Variants in PTPRN2 observed in about 807,000 individuals in gnomAD.
PTPRN2 encodes protein tyrosine phosphatase receptor type N2, also known as receptor-type tyrosine-protein phosphatase N2.
Under a neutral mutation model 118.8 loss-of-function variants are expected in PTPRN2, and 74 were observed. That is an observed-to-expected ratio of 0.62 (90% CI 0.52 to 0.76). The LOEUF (loss-of-function observed/expected upper bound fraction) is 0.76, where lower values mean the gene tolerates loss of function less well. Among genes scored for constraint, PTPRN2 ranks in the 30% least tolerant of loss-of-function variants. PTPRN2 has a pLI of 0.00. For synonymous variants in PTPRN2, 641 were observed against 608.0 expected, an observed-to-expected ratio of 1.05 and a Z score of -0.80; for missense variants, 1,481 against 1,394.4, an observed-to-expected ratio of 1.06 and a Z score of -0.99.
chr7:158,053,846 C>CAGAGACCCCAGAGAT (rs1809532818), intron 11 of PTPRN2, among the ~76,000 whole-genome samples: 2 of 115,552 alleles, frequency 1.7e-5, no homozygotes, highest in Admixed American at 8.8e-5. Flanking sequence ...ACCCCAGAGA[C>CAGAGACCCCAGAGAT]GCAGAGACTC....
At chr7:158,478,387 T>G (rs954147900) in intron 2 of PTPRN2, among the ~76,000 whole-genome samples, 11 of 151,996 alleles carry the variant, frequency 7.2e-5, no homozygotes, top group African/African-American at 2.7e-4. Flanking sequence ...TTCGGTGCTG[T>G]GCGTAGGGTG....
chr7:158,399,663 G>GAAAGAAAAGAAAAGA (rs1172625055), intron 2 of PTPRN2, among the ~76,000 whole-genome samples: 2 of 151,790 alleles, frequency 1.3e-5, no homozygotes, highest in Admixed American at 6.6e-5. Context: ...CTCAAGAAAA[G>GAAAGAAAAGAAAAGA]AAAGAAAAGA....
intron 11 of PTPRN2, among the ~76,000 whole-genome samples, chr7:158,045,283 G>A (rs558424019): frequency 1.2e-4 from 19 of 152,274 alleles, no homozygotes; most frequent in African/African-American, 7.2e-5. Flanking sequence ...CCCCTCTGTC[G>A]GGAAGCTCCA....
At chr7:157,810,309 C>T (rs1393334834) in intron 12 of PTPRN2, among the ~76,000 whole-genome samples, 1 of 152,256 alleles carries the variant, frequency 6.6e-6, no homozygotes, top group African/African-American at 2.4e-5. Flanking sequence ...GTGGGGTCCA[C>T]AGGCGGGCGC....
At chr7:158,169,418 G>GTGTGTC (rs1017549870) in intron 5 of PTPRN2, among the ~76,000 whole-genome samples, 18 of 7,322 alleles carry the variant, frequency 2.5e-3, no homozygotes, top group African/African-American at 9.0e-3. Context: ...GCTTTTGTGA[G>GTGTGTC]TGTGTGTGTG....
chr7:158,078,302 G>A (rs748081197), intron 11 of PTPRN2, among the ~76,000 whole-genome samples: 32 of 152,268 alleles, frequency 2.1e-4, no homozygotes, highest in Admixed American at 8.5e-4. Context: ...GGAACCAGAC[G>A]CCAGCAGCCA....
At chr7:158,341,684 C>G (rs1806839583) in intron 2 of PTPRN2, among the ~76,000 whole-genome samples, 1 of 128,584 alleles carries the variant, frequency 7.8e-6, no homozygotes, top group African/African-American at 3.3e-5. Flanking sequence ...GAGCTGTCGC[C>G]CGCAGAGGTC....
intron 2 of PTPRN2, among the ~76,000 whole-genome samples, chr7:158,421,524 T>G (rs1472386697): frequency 1.3e-5 from 2 of 152,186 alleles, no homozygotes; most frequent in Non-Finnish European, 2.9e-5. Flanking sequence ...GTGATGTGCC[T>G]CAGAAATAAA....
At chr7:158,343,741 G>A (rs374974555) in intron 2 of PTPRN2, among the ~76,000 whole-genome samples, 9 of 149,752 alleles carry the variant, frequency 6.0e-5, no homozygotes, top group East Asian at 2.0e-4. Flanking sequence ...GGCTGCTCCC[G>A]GTGGAATCAG....
chr7:158,068,239 T>C (rs1456454175), intron 11 of PTPRN2, among the ~76,000 whole-genome samples: 1 of 152,172 alleles, frequency 6.6e-6, no homozygotes, highest in Non-Finnish European at 1.5e-5. Context: ...GAGAAAGCCA[T>C]GAAACGACGC....
chr7:158,485,165 C>G (rs1820917771), intron 2 of PTPRN2, among the ~76,000 whole-genome samples: 1 of 152,090 alleles, frequency 6.6e-6, no homozygotes, highest in Admixed American at 6.5e-5. Flanking sequence ...AGACACGGAG[C>G]CGACAGGTGT....
rs756775995 is a variant in PTPRN2 at position 157,929,447 on chromosome 7, C to T, written c.1724-30710G>A. On this transcript the variant is annotated intron_variant, in intron 11 of 22. Transcript: ENST00000389418. This position sits in a 1 kb window ranked among gnomAD's most constrained non-coding sequence, Gnocchi z 4.4. ...TCGGTTTGTTCCTTTTAGGAGGAAGCCACCGGATCGTTTCCCATGCTTAAG... is the reference window on the plus strand; with the variant it reads ...TCGGTTTGTTCCTTTTAGGAGGAAGTCACCGGATCGTTTCCCATGCTTAAG... Among the ~76,000 whole-genome samples the T allele has an allele frequency of 6.6e-6, 1 of 152,110 alleles. No homozygotes were observed. The highest frequency in any genetic ancestry group is 1.5e-5 in the Non-Finnish European group (1 of 68,022).
intron 21 of PTPRN2, among the ~76,000 whole-genome samples, chr7:157,559,727 C>T (rs890727538): frequency 3.9e-5 from 6 of 152,144 alleles, no homozygotes; most frequent in African/African-American, 7.2e-5. Context: ...GATCCCCTCC[C>T]GAATTTCCAA....
chr7:157,545,231 G>A (rs746713552), intron 22 of PTPRN2, among the ~76,000 whole-genome samples: 14 of 147,690 alleles, frequency 9.5e-5, no homozygotes, highest in Non-Finnish European at 1.8e-4. Flanking sequence ...CGCAGTGTCC[G>A]TGGCTGTGTG....
chr7:157,878,503 TACTC>T (rs1795923246), intron 12 of PTPRN2, among the ~76,000 whole-genome samples: 1 of 145,782 alleles, frequency 6.9e-6, no homozygotes, highest in Non-Finnish European at 1.5e-5. Context: ...CACCCACGCT[TACTC>T]ACCGAGGAGC....
chr7:158,301,747 G>A (rs1800906734), intron 3 of PTPRN2, among the ~76,000 whole-genome samples: 1 of 152,184 alleles, frequency 6.6e-6, no homozygotes, highest in South Asian at 2.1e-4. Context: ...CCAGGAGTTT[G>A]AGACCAGCCT....
At chr7:158,128,243 CA>C (rs1334952681) in intron 9 of PTPRN2, among the ~76,000 whole-genome samples, 1 of 152,326 alleles carries the variant, frequency 6.6e-6, no homozygotes, top group African/African-American at 2.4e-5. Flanking sequence ...GATAATAGGG[CA>C]AAAACCTCAA....
At chr7:158,366,404 T>A (rs1296650432) in intron 2 of PTPRN2, among the ~76,000 whole-genome samples, 6 of 130,764 alleles carry the variant, frequency 4.6e-5, no homozygotes, top group Middle Eastern at 4.5e-3. Flanking sequence ...ACCCACAGCA[T>A]CCCTGGGAGA....
intron 2 of PTPRN2, among the ~76,000 whole-genome samples, chr7:158,441,361 A>ATGGCAGTGG (rs1817157386): frequency 7.5e-6 from 1 of 132,612 alleles, no homozygotes; most frequent in Non-Finnish European, 1.6e-5. Context: ...GGTGATGGTG[A>ATGGCAGTGG]TGGCAGTGGT....
Sources: allele counts gnomAD v4.1 joint callset (sites outside exome capture counted in the v4.1 genomes callset), GRCh38; gene constraint gnomAD v4.1.1; non-coding constraint Gnocchi (gnomAD v3.1); transcripts MANE v1.5; gene names NCBI Gene and HGNC (gene_info 2026-07-23, HGNC 2026-07-21).